HLTF: variants seen among roughly 807,000 people sequenced by gnomAD.
The protein encoded by HLTF is DNA-dependent ATPase/E3 ubiquitin-protein ligase HLTF.
HLTF carries 127 observed loss-of-function variants against 129.4 expected under a neutral mutation model. That is an observed-to-expected ratio of 0.98 (90% confidence interval 0.85 to 1.14). HLTF has a LOEUF of 1.14. HLTF is among the 50% of genes most tolerant of loss of function. HLTF has a pLI of 0.00. For missense variants in HLTF, 1,139 were observed against 1,187.1 expected (o/e 0.96, Z 0.60); for synonymous variants, 332 against 388.8 (o/e 0.85, Z 1.72).
Position 149,040,066 on chromosome 3 carries a change from T to A in HLTF, c.2467A>T (p.Lys823Ter). 1 of 1,611,858 alleles carries A rather than the reference T, an allele frequency of 6.2e-7. No homozygotes were observed. Among genetic ancestry groups the A allele is most frequent in the Non-Finnish European group, 8.5e-7 (1 of 1,179,218 alleles). Reference sequence around the variant, plus strand: ...GATGTCCATTCCATATCAGACTTTTTCTCACTGTCACGTGCTAATTCTTCT... The same window carrying A: ...GATGTCCATTCCATATCAGACTTTTACTCACTGTCACGTGCTAATTCTTCT... ...PPEELARDSE[K>*]KSDMEWTSSS... Residue 823 changes from lysine to a stop codon, truncating the protein, a stop_gained, in exon 21 of 25, where the codon AAA becomes TAA. Transcript: ENST00000310053. LOFTEE classifies it high-confidence loss of function.
intron 23 of HLTF, 70 bp from the exon 24 acceptor site, chr3:149,035,068 T>C: frequency 9.2e-7 from 1 of 1,092,054 alleles, no homozygotes. Context: ...TGTCCTTTCA[T>C]TTCACTAGTA....
intron 15 of HLTF, among the ~76,000 whole-genome samples, 171 bp downstream of exon 15, chr3:149,050,061 C>G (rs570823928): frequency 6.6e-6 from 1 of 151,092 alleles, no homozygotes; most frequent in Non-Finnish European, 1.5e-5. Flanking sequence ...TAAAATGCAA[C>G]CCTTTCACGC....
At chr3:149,040,259 C>T in intron 20 of HLTF, 103 bp from the exon 21 acceptor site, 4 of 974,788 alleles carry the variant, frequency 4.1e-6, no homozygotes, top group Admixed American at 4.6e-5. Flanking sequence ...TCTCTCATAG[C>T]TAACATTTTA....
At chr3:149,073,176 G>T (rs1008157339) in intron 5 of HLTF, 49 bp downstream of exon 5, 1 of 1,264,214 alleles carries the variant, frequency 7.9e-7, no homozygotes, top group East Asian at 2.4e-5. Flanking sequence ...ATACAAACCT[G>T]CAACATTTAA....
At chr3:149,036,784 T>G (rs1715671745) in intron 23 of HLTF, among the ~76,000 whole-genome samples, 2 of 152,060 alleles carry the variant, frequency 1.3e-5, no homozygotes, top group Non-Finnish European at 2.9e-5. Context: ...GTAAAAGACT[T>G]TCATGAGCAA....
intron 10 of HLTF, among the ~76,000 whole-genome samples, chr3:149,062,064 T>G (rs1576604194): frequency 6.6e-6 from 1 of 152,228 alleles, no homozygotes; most frequent in Non-Finnish European, 1.5e-5. Flanking sequence ...TAATTTGTTA[T>G]GTGATTTTAA....
At chr3:149,056,794 T>C (rs1482025148) in intron 13 of HLTF, among the ~76,000 whole-genome samples, 2 of 152,202 alleles carry the variant, frequency 1.3e-5, no homozygotes, top group Non-Finnish European at 2.9e-5. Flanking sequence ...ATGCAAATTT[T>C]TGTTAACCAA....
intron 14 of HLTF, among the ~76,000 whole-genome samples, chr3:149,053,939 C>T (rs138564813): frequency 6.6e-6 from 1 of 151,938 alleles, no homozygotes; most frequent in Non-Finnish European, 1.5e-5. Context: ...AGAACAGTTT[C>T]GTTGGAATAA....
At chr3:149,065,793 G>A (rs1463330115) in intron 8 of HLTF, among the ~76,000 whole-genome samples, 1 of 152,112 alleles carries the variant, frequency 6.6e-6, no homozygotes, top group Non-Finnish European at 1.5e-5. Flanking sequence ...TTGCGCCACT[G>A]CACTCCCTCT....
chr3:149,077,413 G>A (rs1012028179), intron 2 of HLTF, among the ~76,000 whole-genome samples: 5 of 151,888 alleles, frequency 3.3e-5, no homozygotes, highest in South Asian at 2.1e-4. Context: ...GAAGTTCCCC[G>A]GAAGACCCCA....
chr3:149,039,903 G>A lies in HLTF; in HGVS notation c.2502+128C>T, dbSNP rs915359459. 12 of 821,524 alleles carry A rather than the reference G, an allele frequency of 1.5e-5. No homozygotes were observed. The African/African-American group carries it at 2.1e-4, about 14-fold the overall frequency. 50.9% of individuals were successfully genotyped at this position (821,524 alleles called of 1,614,324 possible). A position where few individuals can be genotyped will look rare whatever the true frequency, so the allele number is the denominator to read the frequency against. On this transcript the variant is annotated intron_variant, in intron 21 of 24. Coordinates refer to ENST00000310053, the MANE Select transcript of HLTF (RefSeq NM_003071.4). ...TCAAATTCACCACTAAAAATAAAAA[G>A]CCAGTGGTCAACAACAGAACACTAA...
intron 14 of HLTF, among the ~76,000 whole-genome samples, chr3:149,053,140 T>C (rs1717138093): frequency 1.3e-5 from 2 of 152,108 alleles, no homozygotes. Context: ...GATCCTTTAC[T>C]TGAGAGCCAG....
At chr3:149,082,854 GA>G (rs1333062614) in intron 2 of HLTF, among the ~76,000 whole-genome samples, 2 of 152,092 alleles carry the variant, frequency 1.3e-5, no homozygotes, top group Admixed American at 6.5e-5. Flanking sequence ...TACATAATAT[GA>G]TTCCAATTTA....
Position 149,059,724 on chromosome 3 carries a change from T to C in HLTF, c.1369A>G (p.Lys457Glu), listed in dbSNP as rs1380053706. 6.3e-7 allele frequency: 1 copy of C among 1,582,842 alleles called. No individual in the cohort carries two copies. The highest frequency in any genetic ancestry group is 1.2e-5 in the South Asian group (1 of 85,658). Reference sequence around the variant, plus strand: ...AACAAGGATATTTACTGACCCTTTTTCAACATTTTCTTTTTTGTTGTAGGA... The same window carrying C: ...AACAAGGATATTTACTGACCCTTTTCCAACATTTTCTTTTTTGTTGTAGGA... The part of the protein sequence containing the change: ...SVPTTKKKML[K>E]KGACAVEGSK... The change falls in exon 13 of 25, where the codon AAA becomes GAA. Residue 457 changes from lysine to glutamate, a missense_variant. Lys to Glu is a moderately conservative substitution (Grantham distance 56). Transcript: ENST00000310053.
Position 149,055,361 on chromosome 3 carries a change from TCAA to T in HLTF, c.1412_1414del (p.Val471del). The T allele has an allele frequency of 6.2e-7, 1 of 1,613,964 alleles. No homozygotes were observed. Among genetic ancestry groups the T allele is most frequent in the Admixed American group, 1.7e-5 (1 of 60,012 alleles). On this transcript the variant is annotated inframe_deletion, in exon 14 of 25. Coordinates refer to ENST00000310053, the MANE Select transcript of HLTF (RefSeq NM_003071.4). ...GATCAGTGTTGTTCTTGGTCTCTCC[TCAA>T]CATCAGTTTTCTTTGACCCCTCCAC... is the stretch of plus-strand genomic sequence containing the variant.
chr3:149,063,440 C>A lies in HLTF; in HGVS notation c.1151G>T (p.Arg384Leu), dbSNP rs773811328. The change falls in exon 10 of 25, where the codon CGC becomes CTC. Residue 384 changes from arginine (R) to leucine (L), a missense_variant. Arg to Leu is a moderately radical substitution (Grantham distance 102, BLOSUM62 -2). Transcript: ENST00000310053. The part of the protein sequence containing the change: ...KFRMSELSSS[R>L]PKRRKTAVQY... ...AACCATAATAGTTTACCTTTTGGGG[C>A]GGGAGCTAGACAATTCTGACATGCG... is the stretch of plus-strand genomic sequence containing the variant. The A allele has an allele frequency of 6.3e-6, 10 of 1,585,112 alleles. 1 individual carries two copies. Among genetic ancestry groups the A allele is most frequent in the South Asian group, 3.3e-5 (3 of 90,450 alleles).
chr3:149,040,775 T>C (rs1380850938), intron 20 of HLTF, among the ~76,000 whole-genome samples: 2 of 152,024 alleles, frequency 1.3e-5, no homozygotes, highest in Non-Finnish European at 2.9e-5. Context: ...GGGTAAATGG[T>C]TGGGAGGGGC....
chr3:149,044,042 C>A lies in HLTF; in HGVS notation c.2073-1752G>T, dbSNP rs576182205. Among the ~76,000 whole-genome samples the A allele has an allele frequency of 4.1e-4, 63 of 152,208 alleles. No individual in the cohort carries two copies. The East Asian group carries it at 0.012, about 28-fold the overall frequency. ...CAAAATAATACAAAGATTAAACTTACAAGCTCTAAACCAAAGTGCCAGAGT... is the reference window on the plus strand; with the variant it reads ...CAAAATAATACAAAGATTAAACTTAAAAGCTCTAAACCAAAGTGCCAGAGT... On this transcript the variant is annotated intron_variant, in intron 18 of 24. Coordinates refer to ENST00000310053, the MANE Select transcript of HLTF (RefSeq NM_003071.4).
chr3:149,081,824 G>A (rs551643865), intron 2 of HLTF, among the ~76,000 whole-genome samples: 57 of 152,192 alleles, frequency 3.7e-4, no homozygotes, highest in Non-Finnish European at 6.0e-4. Flanking sequence ...TAGAACCAAG[G>A]CATAAAAGGG....
Sources: allele counts gnomAD v4.1 joint callset (sites outside exome capture counted in the v4.1 genomes callset), GRCh38; gene constraint gnomAD v4.1.1; transcripts MANE v1.5; gene names NCBI Gene and HGNC (gene_info 2026-07-23, HGNC 2026-07-21).